FANCI: variants seen among roughly 807,000 people sequenced by gnomAD.
The protein encoded by FANCI is FA complementation group I, also known as Fanconi anemia group I protein.
A neutral mutation model predicts 176.1 loss-of-function variants in FANCI; 156 were observed. The ratio of observed to expected loss-of-function variants is 0.89; its 90% CI spans 0.78 to 1.01. FANCI has a LOEUF of 1.01. FANCI is among the 50% of genes least tolerant of loss of function. FANCI has a pLI of 0.00. For missense variants in FANCI, 1,678 were observed against 1,534.1 expected, an observed-to-expected ratio of 1.09 and a Z score of -1.57; for synonymous variants, 613 against 541.7, an observed-to-expected ratio of 1.13 and a Z score of -1.83.
intron 18 of FANCI, among the ~76,000 whole-genome samples, chr15:89,289,059 A>T (rs1275270964): frequency 6.6e-6 from 1 of 150,974 alleles, no homozygotes; most frequent in African/African-American, 2.4e-5. Context: ...TACTTAATTC[A>T]TCCTGAATTT....
At chr15:89,283,089 T>G in intron 16 of FANCI, 47 bp from the exon 17 acceptor site, 2 of 1,597,300 alleles carry the variant, frequency 1.3e-6, no homozygotes, top group Non-Finnish European at 1.7e-6. Context: ...CAGAAGCATA[T>G]TCCTGTGAAA....
intron 3 of FANCI, among the ~76,000 whole-genome samples, chr15:89,259,719 T>C (rs1259371406): frequency 2.0e-5 from 3 of 152,236 alleles, no homozygotes; most frequent in African/African-American, 7.2e-5. Context: ...TTGTCTATTC[T>C]GGACATTTCA....
intron 34 of FANCI, among the ~76,000 whole-genome samples, chr15:89,311,794 C>A (rs1199259776): frequency 6.6e-6 from 1 of 152,166 alleles, no homozygotes; most frequent in East Asian, 1.9e-4. Flanking sequence ...TTTCTTTATT[C>A]TGTTGCCCTC....
intron 34 of FANCI, 28 bp from the exon 35 acceptor site, chr15:89,312,876 A>G: frequency 1.9e-6 from 3 of 1,585,026 alleles, no homozygotes; most frequent in East Asian, 4.5e-5. Flanking sequence ...ATCATCAGGA[A>G]TAAGAGAATG....
At chr15:89,282,686 T>C (rs2053660345) in intron 16 of FANCI, 2 of 236,022 alleles carry the variant, frequency 8.5e-6, no homozygotes, top group South Asian at 1.3e-4. Context: ...GAATTAATCA[T>C]TGCGCCTCAG....
Position 89,257,223 on chromosome 15 carries a change from T to A in FANCI, c.85-1481T>A, listed in dbSNP as rs553197415. Among the ~76,000 whole-genome samples, 7 of 152,286 alleles carry A rather than the reference T, an allele frequency of 4.6e-5. No individual in the cohort carries two copies. In the East Asian group the frequency reaches 1.4e-3, roughly 29 times the overall value. The stretch of plus-strand genomic sequence containing the variant: ...GCTTGGCCAGATTTCTTTTCCTTCA[T>A]CACCACCCCCTACTTCCCTTCCAAA... On this transcript the variant is annotated intron_variant, in intron 2 of 37. Coordinates refer to ENST00000310775, the MANE Select transcript of FANCI (RefSeq NM_001113378.2).
chr15:89,315,605 A>G (rs1249150308), intron 37 of FANCI, among the ~76,000 whole-genome samples: 2 of 152,234 alleles, frequency 1.3e-5, no homozygotes, highest in Non-Finnish European at 2.9e-5. Flanking sequence ...AAACACTTCC[A>G]GGAAGCAGGT....
intron 24 of FANCI, among the ~76,000 whole-genome samples, chr15:89,296,351 G>A (rs867267564): frequency 1.5e-4 from 22 of 149,628 alleles, no homozygotes; most frequent in Middle Eastern, 3.5e-3. Flanking sequence ...CAAGCGATAC[G>A]CCCATCTCAG....
At chr15:89,262,829 C>A (rs1377319272) in intron 6 of FANCI, among the ~76,000 whole-genome samples, 1 of 152,216 alleles carries the variant, frequency 6.6e-6, no homozygotes. Context: ...TTTGGCTAAT[C>A]TACAATTGTC....
At chr15:89,282,536 TTATAA>T (rs1424421612) in intron 16 of FANCI, 1 of 165,864 alleles carries the variant, frequency 6.0e-6, no homozygotes, top group Admixed American at 5.5e-5. Flanking sequence ...ATTGGCCATA[TTATAA>T]TATATTCATG....
chr15:89,314,484 A>AAGT, intron 35 of FANCI, 128 bp from the exon 36 acceptor site: 2 of 753,762 alleles, frequency 2.7e-6, no homozygotes, highest in Non-Finnish European at 4.6e-6. Flanking sequence ...ACTGGTATAC[A>AAGT]ACTGCATTTG....
chr15:89,274,599 CTTTTTTTTT>C lies in FANCI; in HGVS notation c.1112+310_1112+318del, dbSNP rs1157910630. On this transcript the variant is annotated intron_variant, in intron 12 of 37. Coordinates refer to ENST00000310775, the MANE Select transcript of FANCI (RefSeq NM_001113378.2). ...TCTCTATTTTCCTTTTCTTTCTTTCCTTTTTTTTTTTTTTTTTTTTTTTGAGACAGAGTC... is the reference window on the plus strand; with the variant it reads ...TCTCTATTTTCCTTTTCTTTCTTTCCTTTTTTTTTTTTTTGAGACAGAGTC... Among the ~76,000 whole-genome samples the C allele has an allele frequency of 6.0e-5, 5 of 82,834 alleles. No homozygotes were observed. The East Asian group carries it at 1.2e-3, about 20-fold the overall frequency. 54.3% of individuals were successfully genotyped at this position (82,834 alleles called of 152,430 possible).
rs2055176611 is a variant in FANCI, at chr15:89,315,172, G to C, written c.3817-110G>C. The stretch of plus-strand genomic sequence containing the variant: ...TACAGAAGGAAGTGGGTGCGTGCTT[G>C]CTTTAGGTAGAAATGGAAAGGTTTC... On this transcript the variant is annotated intron_variant, in intron 36 of 37. Coordinates refer to ENST00000310775, the MANE Select transcript of FANCI (RefSeq NM_001113378.2). 1.8e-5 allele frequency: 15 copies of C among 821,924 alleles called. No individual in the cohort carries two copies. In the Admixed American group the frequency reaches 2.4e-4, roughly 13 times the overall value. 50.9% of individuals were successfully genotyped at this position (821,924 alleles called of 1,614,324 possible).
chr15:89,288,101 G>A (rs1049300080), intron 18 of FANCI, among the ~76,000 whole-genome samples: 4 of 152,210 alleles, frequency 2.6e-5, no homozygotes, highest in Admixed American at 2.0e-4. Context: ...TATCTGCGAA[G>A]TGCAATCAAG....
rs368408899 is a variant in FANCI at position 89,293,871 on chromosome 15, G to T, written c.2330G>T (p.Cys777Phe). The change falls in exon 23 of 38, where the codon TGT (cysteine) becomes TTT (phenylalanine). Residue 777 changes from cysteine to phenylalanine, a missense_variant. Transcript: ENST00000310775. ...GAGGACATTCTGAGCTTATTTATGT[G>T]TTACAAAAAACTCTCTGACATTCTT... ...RFEDILSLFM[C>F]YKKLSDILNE... 1 of 1,613,974 alleles carries T rather than the reference G, an allele frequency of 6.2e-7. No individual in the cohort carries two copies. Among genetic ancestry groups the T allele is most frequent in the African/African-American group, 1.3e-5 (1 of 74,914 alleles).
chr15:89,310,554 C>G (rs2054914594), intron 34 of FANCI, among the ~76,000 whole-genome samples: 2 of 152,212 alleles, frequency 1.3e-5, no homozygotes. Flanking sequence ...GCCTTACTGA[C>G]AAGTCAGCTG....
chr15:89,273,601 A>G (rs1463149892), intron 11 of FANCI, 132 bp downstream of exon 11: 2 of 661,314 alleles, frequency 3.0e-6, no homozygotes, highest in Non-Finnish European at 5.4e-6. Flanking sequence ...CCAGCAGCAA[A>G]GCTGCAATAA....
At chr15:89,276,197 G>C (rs1328979638) in intron 12 of FANCI, among the ~76,000 whole-genome samples, 3 of 152,186 alleles carry the variant, frequency 2.0e-5, no homozygotes, top group Admixed American at 2.0e-4. Flanking sequence ...ATTATTTGTA[G>C]TTTTAGCTTA....
At chr15:89,285,066 T>TA in intron 17 of FANCI, 30 bp from the exon 18 acceptor site, 1 of 1,613,696 alleles carries the variant, frequency 6.2e-7, no homozygotes, top group Non-Finnish European at 8.5e-7. Flanking sequence ...TTTGGTAAGA[T>TA]AGACGTGAAT....
Sources: allele counts gnomAD v4.1 joint callset (sites outside exome capture counted in the v4.1 genomes callset), GRCh38; gene constraint gnomAD v4.1.1; transcripts MANE v1.5; gene names NCBI Gene and HGNC (gene_info 2026-07-23, HGNC 2026-07-21).